Variants in HBS1L observed in about 807,000 individuals in gnomAD.
The protein encoded by HBS1L is HBS1-like protein.
HBS1L carries 55 observed loss-of-function variants against 88.9 expected under a neutral mutation model. That is an observed-to-expected ratio of 0.62 (90% CI 0.50 to 0.77). The LOEUF (loss-of-function observed/expected upper bound fraction) is 0.77. HBS1L is among the 30% of genes least tolerant of loss of function. HBS1L has a pLI of 0.00. For synonymous variants in HBS1L, 267 were observed against 288.5 expected, an observed-to-expected ratio of 0.93 and a Z score of 0.76; for missense variants, 741 against 829.3, an observed-to-expected ratio of 0.89 and a Z score of 1.31.
At chr6:135,028,644 C>T (rs965549980) in intron 4 of HBS1L, among the ~76,000 whole-genome samples, 1 of 152,114 alleles carries the variant, frequency 6.6e-6, no homozygotes, top group African/African-American at 2.4e-5. Context: ...ATGAAACCAT[C>T]TTAAATGTTA....
At position 135,029,912 on chromosome 6, in the gene HBS1L, G is replaced by T. The variant is rs574898859; in HGVS notation, c.430+9661C>A. Among the ~76,000 whole-genome samples the T allele has an allele frequency of 2.0e-5, 3 of 152,236 alleles. No homozygotes were observed. In the East Asian group the frequency reaches 5.8e-4, roughly 29 times the overall value. Reference sequence around the variant, plus strand: ...TCTCCATTTGTATAAAAATGTATACGTACATTCACATATGTGTAACATGCT... The same window carrying T: ...TCTCCATTTGTATAAAAATGTATACTTACATTCACATATGTGTAACATGCT... On this transcript the variant is annotated intron_variant, in intron 4 of 17. Coordinates refer to ENST00000367837, the MANE Select transcript of HBS1L (RefSeq NM_006620.4).
chr6:134,973,301 A>T (rs533484866), intron 15 of HBS1L, among the ~76,000 whole-genome samples: 11 of 152,336 alleles, frequency 7.2e-5, no homozygotes, highest in Admixed American at 4.6e-4. Flanking sequence ...TACAACATGG[A>T]CAAACCATGA....
At chr6:135,036,646 A>G in intron 4 of HBS1L, 1 of 1,550,982 alleles carries the variant, frequency 6.4e-7, no homozygotes, top group Non-Finnish European at 8.7e-7. Flanking sequence ...TATTGCTACA[A>G]GTGGACTTAT....
In HBS1L at chr6:135,000,859, T is replaced by C. The variant is rs1462242306; in HGVS notation, c.539+1875A>G. On this transcript the variant is annotated intron_variant, in intron 5 of 17. Coordinates refer to ENST00000367837, the MANE Select transcript of HBS1L (RefSeq NM_006620.4). ...AATCACACTACGTAGAAACCTATGATGCTGAAATCTTGACTCAAAAGTGTT... is the reference window on the plus strand; with the variant it reads ...AATCACACTACGTAGAAACCTATGACGCTGAAATCTTGACTCAAAAGTGTT... Among the ~76,000 whole-genome samples, 4 of 152,166 alleles carry C rather than the reference T, an allele frequency of 2.6e-5. No homozygotes were observed. The East Asian group carries it at 7.7e-4, about 29-fold the overall frequency.
intron 1 of HBS1L, among the ~76,000 whole-genome samples, chr6:135,051,993 G>C (rs1046325714): frequency 6.6e-6 from 1 of 152,172 alleles, no homozygotes; most frequent in African/African-American, 2.4e-5. Context: ...AGAGCAATTT[G>C]GGAACACACA....
At chr6:134,978,466 C>A (rs953937459) in intron 15 of HBS1L, among the ~76,000 whole-genome samples, 15 of 151,786 alleles carry the variant, frequency 9.9e-5, no homozygotes, top group African/African-American at 3.6e-4. Flanking sequence ...TAAATATCTT[C>A]TCAATGCCTT....
chr6:135,054,806 C>A lies in HBS1L; in HGVS notation c.-115G>T. ...AACCCCTATGCGCCATCTTGGCTTCCCGCAGGCCTCTGCGCCGAGCGCCTG... is the reference window on the plus strand; with the variant it reads ...AACCCCTATGCGCCATCTTGGCTTCACGCAGGCCTCTGCGCCGAGCGCCTG... On this transcript the variant is annotated 5_prime_UTR_variant, in exon 1 of 18. Transcript: ENST00000367837. 1 of 1,300,084 alleles carries A rather than the reference C, an allele frequency of 7.7e-7. No individual in the cohort carries two copies. Among genetic ancestry groups the A allele is most frequent in the East Asian group, 2.5e-5 (1 of 40,182 alleles). The allele number at this position is 1,300,084 out of a possible 1,614,324, so 80.5% of individuals were successfully genotyped here.
At position 135,050,615 on chromosome 6, in the gene HBS1L, C is replaced by T. The variant is rs780701588; in HGVS notation, c.76G>A (p.Val26Ile). The T allele has an allele frequency of 1.3e-6, 2 of 1,596,072 alleles. No homozygotes were observed. The highest frequency in any genetic ancestry group is 1.7e-6 in the Non-Finnish European group (2 of 1,169,900). The change falls in exon 2 of 18, where the codon GTA becomes ATA. Residue 26 changes from valine to isoleucine, a missense_variant. Val to Ile is a conservative substitution (Grantham distance 29). Transcript: ENST00000367837. ...GGCGAAATACAATAATCATCCTCTA[C>T]AGACTGGCCGTAGAGATCATCATCT... is the stretch of plus-strand genomic sequence containing the variant. ...FEDDDLYGQS[V>I]EDDYCISPST... is the part of the protein sequence containing the mutation.
intron 2 of HBS1L, among the ~76,000 whole-genome samples, chr6:135,048,204 C>T (rs549191667): frequency 3.3e-5 from 5 of 152,280 alleles, no homozygotes; most frequent in Non-Finnish European, 7.4e-5. Flanking sequence ...GCTTCTTGTT[C>T]CAGTATCACC....
intron 15 of HBS1L, among the ~76,000 whole-genome samples, chr6:134,974,660 A>AC (rs398002891): frequency 1.3e-5 from 2 of 152,010 alleles, no homozygotes; most frequent in East Asian, 1.9e-4. Flanking sequence ...CAAAAAAAAA[A>AC]CAGATGATCA....
intron 4 of HBS1L, among the ~76,000 whole-genome samples, chr6:135,032,912 A>C (rs1313300789): frequency 7.4e-6 from 1 of 134,796 alleles, no homozygotes; most frequent in Non-Finnish European, 1.6e-5. Flanking sequence ...AAAAGAGGTT[A>C]AAATGCCAGT....
Position 134,986,779 on chromosome 6 carries a change from A to G in HBS1L, c.1262T>C (p.Ile421Thr). 6.4e-7 allele frequency: 1 copy of G among 1,573,580 alleles called. No homozygotes were observed. The highest frequency in any genetic ancestry group is 8.6e-7 in the Non-Finnish European group (1 of 1,159,276). ...VNWQQERFQE[I>T]TGKLGHFLKQ... ...AAGAAAGTGCCCAAGTTTTCCAGTA[A>G]TCTCTTGAAACCTTTCTTGTTGCCA... The change falls in exon 10 of 18, where the codon ATT becomes ACT. Residue 421 changes from isoleucine (I) to threonine (T), a missense_variant. Ile to Thr is a moderately conservative substitution (Grantham distance 89). Around this residue, in one of 3 missense-constraint regions of HBS1L, gnomAD observed 556 missense variants for 598.4 expected, o/e 0.93. Transcript: ENST00000367837.
intron 3 of HBS1L, among the ~76,000 whole-genome samples, chr6:135,040,725 C>A (rs1025835748): frequency 3.3e-5 from 5 of 152,022 alleles, no homozygotes; most frequent in Non-Finnish European, 7.4e-5. Flanking sequence ...TTTCTGATGA[C>A]ATTAGTATTA....
At position 134,962,876 on chromosome 6, in the gene HBS1L, C is replaced by T. The variant is rs112518126; in HGVS notation, c.*2403G>A. On this transcript the variant is annotated 3_prime_UTR_variant, in exon 18 of 18. Coordinates refer to ENST00000367837, the MANE Select transcript of HBS1L (RefSeq NM_006620.4). ...TTACCTCTTTGTCACTTAATCAACT[C>T]GAGCCTTCCACTGCCAACAGTCTTC... 2.6e-5 allele frequency: 4 copies of T among 152,294 alleles called. No homozygotes were observed. Among genetic ancestry groups the T allele is most frequent in the African/African-American group, 4.8e-5 (2 of 41,562 alleles). 9.4% of individuals were successfully genotyped at this position (152,294 alleles called of 1,614,324 possible).
chr6:135,011,905 T>TAA lies in HBS1L; in HGVS notation c.431-9065_431-9064dup, dbSNP rs10605981. 2.0e-3 allele frequency among the ~76,000 whole-genome samples: 230 copies of TAA among 112,532 alleles called. 1 individual carries two copies. Among genetic ancestry groups the TAA allele is most frequent in the Non-Finnish European group, 1.4e-3 (80 of 56,738 alleles). 73.8% of individuals were successfully genotyped at this position (112,532 alleles called of 152,430 possible). A position where few individuals can be genotyped will look rare whatever the true frequency, so the allele number is the denominator to read the frequency against. ...CAGGTGACAAGAGCGAAACTTGTCT[T>TAA]AAAAAAAAAAAAAAAAAAAAAGGAG... is the stretch of plus-strand genomic sequence containing the variant. On this transcript the variant is annotated intron_variant, in intron 4 of 17. Coordinates refer to ENST00000367837, the MANE Select transcript of HBS1L (RefSeq NM_006620.4).
intron 16 of HBS1L, among the ~76,000 whole-genome samples, chr6:134,966,977 T>C (rs372110643): frequency 1.3e-5 from 2 of 152,038 alleles, no homozygotes; most frequent in Non-Finnish European, 2.9e-5. Flanking sequence ...TTGCTAAGAT[T>C]CCCCTCAATC....
chr6:134,997,351 G>T (rs1726798578), intron 6 of HBS1L, 46 bp downstream of exon 6: 1 of 1,609,300 alleles, frequency 6.2e-7, no homozygotes, highest in African/African-American at 1.3e-5. Flanking sequence ...CAGTGGGCAG[G>T]CTAAGGCATG....
At chr6:134,987,324 A>C (rs1167347118) in intron 9 of HBS1L, among the ~76,000 whole-genome samples, 1 of 152,166 alleles carries the variant, frequency 6.6e-6, no homozygotes, top group Admixed American at 6.5e-5. Flanking sequence ...GAAATGTTAT[A>C]AGTTTCTGGG....
chr6:135,014,195 A>C (rs905732723), intron 4 of HBS1L, among the ~76,000 whole-genome samples: 5 of 152,190 alleles, frequency 3.3e-5, no homozygotes, highest in African/African-American at 1.2e-4. Context: ...CAGGAAACTA[A>C]GAGAAGTCTG....
Sources: gnomAD v4.1 joint callset for allele counts (sites outside exome capture counted in the v4.1 genomes callset) on GRCh38, gnomAD v4.1.1 for gene constraint, gnomAD v4.1.1 regional missense constraint, MANE v1.5 for transcripts, NCBI Gene and HGNC (gene_info 2026-07-23, HGNC 2026-07-21) for gene names.